The following STK24 variants were observed in gnomAD, a reference collection of about 807,000 sequenced individuals.
STK24 encodes the protein serine/threonine-protein kinase 24.
A neutral mutation model predicts 55.6 loss-of-function variants in STK24; 21 were observed. The ratio of observed to expected loss-of-function variants is 0.38; its 90% CI spans 0.27 to 0.54. STK24 has a LOEUF of 0.54. STK24 is among the 20% of genes least tolerant of loss of function. The probability of loss-of-function intolerance (pLI) is 0.79; values close to 1 mark genes in which losing one functional copy is unlikely to be tolerated. For synonymous variants in STK24, 200 were observed against 215.2 expected (o/e 0.93, Z 0.62); for missense variants, 383 against 538.4 (o/e 0.71, Z 2.86).
Position 98,461,793 on chromosome 13 carries a change from G to C in STK24, c.1034C>G (p.Ser345Trp), listed in dbSNP as rs376391138. The stretch of plus-strand genomic sequence containing the variant: ...ACGTACCTTATTTCTGTCCAAGTCC[G>C]ATGGCTGAAGAGCTCCATTCTCGAG... ...KNLENGALQP[S>W]DLDRNKMKDI... is the part of the protein sequence containing the mutation. Residue 345 changes from serine to tryptophan, a missense_variant, in exon 8 of 11, where the codon TCG becomes TGG. Transcript: ENST00000539966. The C allele has an allele frequency of 1.2e-6, 2 of 1,613,962 alleles. No individual in the cohort carries two copies. The highest frequency in any genetic ancestry group is 2.7e-5 in the African/African-American group (2 of 74,914).
chr13:98,538,378 C>T (rs1896794493), intron 1 of STK24, among the ~76,000 whole-genome samples: 1 of 152,030 alleles, frequency 6.6e-6, no homozygotes. Context: ...GTGCCCACCA[C>T]CACACACAGC....
At chr13:98,460,857 T>C (rs1056672639) in intron 8 of STK24, among the ~76,000 whole-genome samples, 5 of 151,016 alleles carry the variant, frequency 3.3e-5, no homozygotes, top group African/African-American at 9.8e-5. Flanking sequence ...TTGGGCAACA[T>C]AGTGAGACCA....
intron 1 of STK24, among the ~76,000 whole-genome samples, chr13:98,562,379 C>T (rs969616139): frequency 3.9e-5 from 6 of 152,228 alleles, no homozygotes; most frequent in East Asian, 1.9e-4. Flanking sequence ...GGGTAGGAAA[C>T]GGGACTCGCA....
intron 2 of STK24, among the ~76,000 whole-genome samples, chr13:98,484,143 C>T (rs1473449133): frequency 1.3e-5 from 2 of 152,158 alleles, no homozygotes; most frequent in East Asian, 3.9e-4. Flanking sequence ...GGGAAGCTTC[C>T]ATCATCAAGA....
intron 3 of STK24, among the ~76,000 whole-genome samples, chr13:98,481,319 G>A (rs996709024): frequency 6.6e-6 from 1 of 152,182 alleles, no homozygotes; most frequent in African/African-American, 2.4e-5. Flanking sequence ...GACCAGGACG[G>A]TACAGCCACC....
intron 2 of STK24, among the ~76,000 whole-genome samples, chr13:98,488,995 G>A (rs1345958053): frequency 2.0e-5 from 3 of 152,332 alleles, no homozygotes; most frequent in South Asian, 2.1e-4. Flanking sequence ...AAAATCACAC[G>A]GGGTCACAGA....
At chr13:98,537,579 G>GC (rs1357720787) in intron 1 of STK24, among the ~76,000 whole-genome samples, 4 of 152,154 alleles carry the variant, frequency 2.6e-5, no homozygotes, top group Admixed American at 1.3e-4. Flanking sequence ...CAGGACAGGG[G>GC]CCCCAGCTCC....
intron 1 of STK24, among the ~76,000 whole-genome samples, chr13:98,530,350 T>G (rs1164647140): frequency 6.6e-6 from 1 of 152,212 alleles, no homozygotes; most frequent in East Asian, 1.9e-4. Context: ...GCTCCTGGCC[T>G]TCTCAGTGTC....
chr13:98,563,474 G>A (rs1594673027), intron 1 of STK24, among the ~76,000 whole-genome samples: 1 of 152,126 alleles, frequency 6.6e-6, no homozygotes, highest in Non-Finnish European at 1.5e-5. Context: ...AAAAAAGAGC[G>A]CAAATCTCTG....
Position 98,522,338 on chromosome 13 carries a change from T to A in STK24, c.43-2865A>T, listed in dbSNP as rs564954591. Among the ~76,000 whole-genome samples the A allele has an allele frequency of 3.5e-4, 53 of 152,310 alleles. No individual in the cohort carries two copies. In the South Asian group the frequency reaches 8.3e-3, roughly 24 times the overall value. On this transcript the variant is annotated intron_variant, in intron 1 of 10. Coordinates refer to ENST00000539966, the MANE Select transcript of STK24 (RefSeq NM_001032296.4). ...CGGTAGTTTCAGGGTCTGGGGCCCT[T>A]GTTTCCCAAACCTGCCCGAACAGAA...
chr13:98,486,670 C>G (rs182479210), intron 2 of STK24, among the ~76,000 whole-genome samples: 4 of 152,208 alleles, frequency 2.6e-5, no homozygotes, highest in Admixed American at 2.6e-4. Context: ...CTCCAAACAT[C>G]GTCAGTGTCC....
chr13:98,464,156 G>A (rs556944901), intron 6 of STK24, among the ~76,000 whole-genome samples: 1 of 152,230 alleles, frequency 6.6e-6, no homozygotes, highest in East Asian at 1.9e-4. Context: ...AGTGGCTCAC[G>A]CCTGTAATCC....
At chr13:98,519,186 T>TG in intron 2 of STK24, 57 bp downstream of exon 2, 1 of 1,428,748 alleles carries the variant, frequency 7.0e-7, no homozygotes, top group Non-Finnish European at 9.8e-7. Context: ...TCCCATTCCC[T>TG]GCTGGCACCT....
intron 5 of STK24, among the ~76,000 whole-genome samples, chr13:98,473,557 A>C (rs375309475): frequency 5.9e-5 from 9 of 152,146 alleles, no homozygotes; most frequent in East Asian, 5.8e-4. Context: ...AAGTGACTGC[A>C]GATGAGAAGC....
intron 5 of STK24, among the ~76,000 whole-genome samples, chr13:98,472,364 T>G (rs1894184814): frequency 6.6e-6 from 1 of 152,200 alleles, no homozygotes; most frequent in African/African-American, 2.4e-5. Context: ...AAGGGAGGAC[T>G]TGCCCTTCAA....
chr13:98,477,892 C>A (rs533276316), intron 3 of STK24, among the ~76,000 whole-genome samples: 1 of 152,146 alleles, frequency 6.6e-6, no homozygotes, highest in Non-Finnish European at 1.5e-5. Flanking sequence ...ATGGAAAATC[C>A]TCCCCTGGAT....
At chr13:98,463,881 G>T (rs760778921) in intron 6 of STK24, 45 bp from the exon 7 acceptor site, 1 of 1,598,288 alleles carries the variant, frequency 6.3e-7, no homozygotes, top group Non-Finnish European at 8.5e-7. Context: ...TGAAGTTCTT[G>T]GTCCTACCCC....
rs575359476 is a variant in STK24 at position 98,501,178 on chromosome 13, C to G, written c.273+18065G>C. Among the ~76,000 whole-genome samples the G allele has an allele frequency of 2.0e-5, 3 of 152,346 alleles. No homozygotes were observed. In the South Asian group the frequency reaches 6.2e-4, roughly 32 times the overall value. On this transcript the variant is annotated intron_variant, in intron 2 of 10. Coordinates refer to ENST00000539966, the MANE Select transcript of STK24 (RefSeq NM_001032296.4). ...CTAAAAACAATTCAGTTTTCAGGAA[C>G]TGAAGTCGGGTTCGCTTGCACAGCC...
At chr13:98,505,946 C>CA (rs1022962826) in intron 2 of STK24, among the ~76,000 whole-genome samples, 1 of 151,964 alleles carries the variant, frequency 6.6e-6, no homozygotes, top group African/African-American at 2.4e-5. Flanking sequence ...GAAAGGAAGA[C>CA]AAAAAAATCT....
Sources: gnomAD v4.1 joint callset for allele counts (sites outside exome capture counted in the v4.1 genomes callset) on GRCh38, gnomAD v4.1.1 for gene constraint, MANE v1.5 for transcripts, NCBI Gene and HGNC (gene_info 2026-07-23, HGNC 2026-07-21) for gene names.